GUCY2C: variants seen among roughly 807,000 people sequenced by gnomAD.
GUCY2C encodes the protein guanylyl cyclase C.
A neutral mutation model predicts 131.1 loss-of-function variants in GUCY2C; 118 were observed. The ratio of observed to expected loss-of-function variants is 0.90; its 90% CI spans 0.78 to 1.05. The LOEUF is 1.05. Ranked by LOEUF, GUCY2C falls within the 50% of genes least tolerant of loss-of-function variation. The pLI is 0.00. For synonymous variants in GUCY2C, 452 were observed against 457.8 expected (o/e 0.99, Z 0.16); for missense variants, 1,161 against 1,304.4 (o/e 0.89, Z 1.69).
chr12:14,661,224 T>A (rs1453401051), intron 10 of GUCY2C, among the ~76,000 whole-genome samples, 162 bp from the exon 11 acceptor site: 1 of 152,202 alleles, frequency 6.6e-6, no homozygotes, highest in East Asian at 1.9e-4. Context: ...GTGTCCCTAC[T>A]CTCTGACAGC....
chr12:14,686,002 A>AG lies in GUCY2C; in HGVS notation c.395+158dup, dbSNP rs1948460689. On this transcript the variant is annotated intron_variant, in intron 3 of 26. Transcript: ENST00000261170. ...ACAGACATTCACTCCATGCTGAGCA[A>AG]GGGAAGTTACCTGGATAAGAGAATG... Among the ~76,000 whole-genome samples the AG allele has an allele frequency of 2.0e-5, 3 of 152,316 alleles. No individual in the cohort carries two copies. In the South Asian group the frequency reaches 6.2e-4, roughly 32 times the overall value.
chr12:14,626,152 C>T (rs1025614442), intron 20 of GUCY2C, among the ~76,000 whole-genome samples: 9 of 152,224 alleles, frequency 5.9e-5, no homozygotes, highest in African/African-American at 2.2e-4. Context: ...CCAGCCTGAC[C>T]AACATGGTGA....
At chr12:14,682,323 TG>T (rs1157390452) in intron 4 of GUCY2C, among the ~76,000 whole-genome samples, 34 of 152,240 alleles carry the variant, frequency 2.2e-4, no homozygotes, top group African/African-American at 7.9e-4. Context: ...CTCATGATAG[TG>T]AGTAAGTTCT....
At position 14,687,890 on chromosome 12, in the gene GUCY2C, C is replaced by CA. The variant is rs1345802098; in HGVS notation, c.330+60dup. On this transcript the variant is annotated intron_variant, in intron 2 of 26. Transcript: ENST00000261170. The stretch of plus-strand genomic sequence containing the variant: ...GCTTCATGGTCATGTGCCTACATTT[C>CA]ACACTGGGATTATCCTGTGCCCAGA... 21 of 900,442 alleles carry CA rather than the reference C, an allele frequency of 2.3e-5. No homozygotes were observed. In the Middle Eastern group the frequency reaches 1.1e-3, roughly 47 times the overall value. The allele number at this position is 900,442 out of a possible 1,614,324, so 55.8% of individuals were successfully genotyped here. A position where few individuals can be genotyped will look rare whatever the true frequency, so the allele number is the denominator to read the frequency against.
chr12:14,637,691 G>A (rs1209042252), intron 19 of GUCY2C, among the ~76,000 whole-genome samples: 1 of 151,942 alleles, frequency 6.6e-6, no homozygotes, highest in Admixed American at 6.6e-5. Flanking sequence ...ATGGGGAAAG[G>A]ACACCCCATC....
At position 14,641,093 on chromosome 12, in the gene GUCY2C, C is replaced by T. The variant is rs769986387; in HGVS notation, c.2057G>A (p.Arg686Gln). The change falls in exon 18 of 27, where the codon CGG becomes CAG. Residue 686 changes from arginine to glutamine, a missense_variant. By Grantham distance (43) the Arg-to-Gln change is conservative. Transcript: ENST00000261170. ...RKETFYTLSC[R>Q]DRNEKIFRVE... is the part of the protein sequence containing the mutation. The stretch of plus-strand genomic sequence containing the variant: ...GGGTTTAGATGTACCATTCCGGTCC[C>T]GACAGCTCAAAGTGTAGAAGGTTTC... 33 of 1,613,294 alleles carry T rather than the reference C, an allele frequency of 2.0e-5. No individual in the cohort carries two copies. Among genetic ancestry groups the T allele is most frequent in the African/African-American group, 2.7e-5 (2 of 74,860 alleles).
intron 10 of GUCY2C, among the ~76,000 whole-genome samples, chr12:14,666,285 G>C (rs983200656): frequency 6.6e-6 from 1 of 152,226 alleles, no homozygotes; most frequent in Non-Finnish European, 1.5e-5. Context: ...CAAAGAAAAG[G>C]GAGGGGAAAT....
At chr12:14,672,743 A>T in intron 9 of GUCY2C, 130 bp downstream of exon 9, 2 of 636,596 alleles carry the variant, frequency 3.1e-6, no homozygotes, top group Non-Finnish European at 5.7e-6. Context: ...CGTAATTGTG[A>T]AGTTGAAATG....
At chr12:14,641,055 G>C in intron 18 of GUCY2C, 27 bp downstream of exon 18, 1 of 1,609,058 alleles carries the variant, frequency 6.2e-7, no homozygotes, top group Non-Finnish European at 8.5e-7. Context: ...ACTCCCAGAG[G>C]GGACACATGA....
chr12:14,667,690 A>G (rs116376548), intron 10 of GUCY2C, among the ~76,000 whole-genome samples: 2,652 of 152,314 alleles, frequency 0.017, 86 homozygotes, highest in African/African-American at 0.06. Flanking sequence ...AATTTTTAAT[A>G]CTTTTTGAAA....
At chr12:14,657,866 G>A (rs929077389) in intron 11 of GUCY2C, among the ~76,000 whole-genome samples, 6 of 152,046 alleles carry the variant, frequency 3.9e-5, no homozygotes, top group Admixed American at 6.6e-5. Flanking sequence ...GTACACTTTC[G>A]ACTTTGCAGA....
At position 14,614,873 on chromosome 12, in the gene GUCY2C, G is replaced by A; in HGVS notation, c.3041C>T (p.Pro1014Leu). The A allele has an allele frequency of 1.3e-6, 2 of 1,581,272 alleles. No individual in the cohort carries two copies. The highest frequency in any genetic ancestry group is 2.3e-5 in the South Asian group (2 of 87,054). The change falls in exon 26 of 27, where the codon CCT becomes CTT. Residue 1014 changes from proline (P) to leucine (L), a missense_variant. Transcript: ENST00000261170. ...KDQKFNLPTP[P>L]TVENQQRLQA... ...GCCACACCCAGAAGCTTACACAGTA[G>A]GAGGGGTTGGCAGGTTGAATTTCTG...
intron 6 of GUCY2C, among the ~76,000 whole-genome samples, 197 bp downstream of exon 6, chr12:14,679,460 G>A (rs1032279087): frequency 1.3e-5 from 2 of 152,186 alleles, no homozygotes; most frequent in Non-Finnish European, 2.9e-5. Context: ...AATGGTGAAG[G>A]TGTCAAAGGA....
At chr12:14,634,911 G>T (rs1380346569) in intron 19 of GUCY2C, among the ~76,000 whole-genome samples, 1 of 152,084 alleles carries the variant, frequency 6.6e-6, no homozygotes, top group Non-Finnish European at 1.5e-5. Flanking sequence ...TCAGCAAGAG[G>T]ATATAACAAT....
chr12:14,627,686 G>T (rs1947052701), intron 20 of GUCY2C, among the ~76,000 whole-genome samples: 1 of 152,098 alleles, frequency 6.6e-6, no homozygotes, highest in Admixed American at 6.5e-5. Flanking sequence ...ACACATTAAA[G>T]GCTGAGTATC....
intron 6 of GUCY2C, among the ~76,000 whole-genome samples, chr12:14,677,997 T>G (rs1948275189): frequency 1.3e-5 from 2 of 152,174 alleles, no homozygotes; most frequent in African/African-American, 4.8e-5. Context: ...AAACTTTTTT[T>G]AGGAGACAAG....
chr12:14,662,435 G>T (rs144773364), intron 10 of GUCY2C, among the ~76,000 whole-genome samples: 37 of 152,122 alleles, frequency 2.4e-4, no homozygotes, highest in Non-Finnish European at 3.1e-4. Context: ...CAGCACTTTG[G>T]GGGGGCTGAG....
In GUCY2C at chr12:14,639,908, A is replaced by G. The variant is rs1947358283; in HGVS notation, c.2111T>C (p.Phe704Ser). Residue 704 changes from phenylalanine to serine, a missense_variant, in exon 19 of 27, where the codon TTC (phenylalanine) becomes TCC (serine). By Grantham distance (155) the Phe-to-Ser change is radical. Coordinates refer to ENST00000261170, the MANE Select transcript of GUCY2C (RefSeq NM_004963.4). ...RVENSNGMKPFRPDLFLETAE... is the reference protein window; with the variant it reads ...RVENSNGMKPSRPDLFLETAE... ...TGTTTCCAAGAATAAATCTGGGCGG[A>G]AGGGTTTCATTCCATTGGAATTTTC... 1.2e-6 allele frequency: 2 copies of G among 1,611,954 alleles called. No homozygotes were observed. Among genetic ancestry groups the G allele is most frequent in the Non-Finnish European group, 1.7e-6 (2 of 1,177,990 alleles).
chr12:14,641,555 A>C (rs1243701667), intron 17 of GUCY2C, among the ~76,000 whole-genome samples: 1 of 152,178 alleles, frequency 6.6e-6, no homozygotes, highest in African/African-American at 2.4e-5. Context: ...TGCTCAGTAA[A>C]TATATGTTGA....
Sources: allele counts gnomAD v4.1 joint callset (sites outside exome capture counted in the v4.1 genomes callset), GRCh38; gene constraint gnomAD v4.1.1; transcripts MANE v1.5; gene names NCBI Gene and HGNC (gene_info 2026-07-23, HGNC 2026-07-21).